The following BUD13 variants were observed in gnomAD, a reference collection of about 807,000 sequenced individuals.
BUD13 encodes the protein BUD13 spliceosome associated protein.
In BUD13, 47 loss-of-function variants were observed where a neutral mutation model predicts 62.5. The ratio of observed to expected loss-of-function variants is 0.75; its 90% CI spans 0.60 to 0.96. BUD13 has a LOEUF of 0.96. Among genes scored for constraint, BUD13 ranks in the 40% least tolerant of loss-of-function variants. BUD13 has a pLI of 0.00. For synonymous variants in BUD13, 293 were observed against 280.1 expected, an observed-to-expected ratio of 1.05 and a Z score of -0.46; for missense variants, 821 against 790.9, an observed-to-expected ratio of 1.04 and a Z score of -0.46.
intron 3 of BUD13, 38 bp from the exon 4 acceptor site, chr11:116,763,304 G>A: frequency 2.0e-6 from 3 of 1,505,366 alleles, no homozygotes; most frequent in Non-Finnish European, 2.7e-6. Context: ...TCCCACAAAT[G>A]CTCTGTCCCT....
At position 116,758,375 on chromosome 11, in the gene BUD13, C is replaced by G. The variant is rs1447598600; in HGVS notation, c.1393G>C (p.Asp465His). Residue 465 changes from aspartate to histidine, a missense_variant, in exon 7 of 10, where the codon GAT becomes CAT. This residue lies in a region of BUD13 where 800 missense variants were observed against 739.2 expected (regional missense o/e 1.08). Coordinates refer to ENST00000260210, the MANE Select transcript of BUD13 (RefSeq NM_032725.4). ...EFQYAETVFRDKSGRKRNLKL... is the reference protein window; with the variant it reads ...EFQYAETVFRHKSGRKRNLKL... ...AAATTCCTCTTACGACCAGACTTAT[C>G]TCGAAATACGGTTTCAGCATATTGA... The G allele has an allele frequency of 6.2e-7, 1 of 1,614,004 alleles. No individual in the cohort carries two copies. Among genetic ancestry groups the G allele is most frequent in the Non-Finnish European group, 8.5e-7 (1 of 1,180,032 alleles).
intron 1 of BUD13, among the ~76,000 whole-genome samples, chr11:116,772,585 G>C (rs1157820006): frequency 1.3e-5 from 2 of 152,312 alleles, no homozygotes; most frequent in East Asian, 3.9e-4. Context: ...AGTAATCAAA[G>C]TTACACCCCG....
chr11:116,771,920 T>C (rs1423745023), intron 1 of BUD13, among the ~76,000 whole-genome samples: 1 of 152,224 alleles, frequency 6.6e-6, no homozygotes, highest in Non-Finnish European at 1.5e-5. Context: ...AAGGCCATCC[T>C]CCCTGGAAAG....
intron 9 of BUD13, among the ~76,000 whole-genome samples, chr11:116,749,010 G>C (rs61905087): frequency 7.7e-5 from 11 of 143,288 alleles, no homozygotes; most frequent in Admixed American, 1.4e-4. Flanking sequence ...AAGAAAGAAA[G>C]AAACAAAAAA....
rs534533030 is a variant in BUD13, at chr11:116,755,411, G to C, written c.1766+1735C>G. Among the ~76,000 whole-genome samples, 3 of 152,238 alleles carry C rather than the reference G, an allele frequency of 2.0e-5. No individual in the cohort carries two copies. In the South Asian group the frequency reaches 6.2e-4, roughly 32 times the overall value. On this transcript the variant is annotated intron_variant, in intron 9 of 9. Transcript: ENST00000260210. ...AACCAATATTTTACAAATGACCAAT[G>C]CATGATGTTATAAAATCATGCATGG...
At chr11:116,761,624 T>C (rs1439855073) in intron 4 of BUD13, among the ~76,000 whole-genome samples, 1 of 152,188 alleles carries the variant, frequency 6.6e-6, no homozygotes, top group African/African-American at 2.4e-5. Context: ...AAATAACTTG[T>C]AGTCAGCTCT....
chr11:116,757,111 G>C (rs771203275), intron 9 of BUD13, 35 bp downstream of exon 9: 1 of 1,594,254 alleles, frequency 6.3e-7, no homozygotes, highest in African/African-American at 1.3e-5. Flanking sequence ...GAAGGTTACA[G>C]TCAGGTAGAA....
intron 5 of BUD13, 28 bp downstream of exon 5, chr11:116,760,704 AAAG>A (rs1275513014): frequency 9.3e-6 from 15 of 1,607,398 alleles, no homozygotes; most frequent in Non-Finnish European, 1.3e-5. Flanking sequence ...AGTCACACGA[AAAG>A]AAGGACATGG....
At position 116,772,742 on chromosome 11, in the gene BUD13, G is replaced by A. The variant is rs890723623; in HGVS notation, c.143+80C>T. The A allele has an allele frequency of 3.5e-6, 5 of 1,420,690 alleles. No individual in the cohort carries two copies. The South Asian group carries it at 4.3e-5, about 12-fold the overall frequency. The allele number at this position is 1,420,690 out of a possible 1,614,324, so 88.0% of individuals were successfully genotyped here. A position where few individuals can be genotyped will look rare whatever the true frequency, so the allele number is the denominator to read the frequency against. ...GCCGAGAGACCCGCCAAGAGGGAAG[G>A]AACTGCCGGGCGGCCGAGGGCGGAG... On this transcript the variant is annotated intron_variant, in intron 1 of 9. Transcript: ENST00000260210.
rs1940438499 is a variant in BUD13 at position 116,761,969 on chromosome 11, G to C, written c.1036+584C>G. ...TAGATAAGGAAATAATCCAAAATGG[G>C]GACAACAGTTTATGTACAAGGATGT... On this transcript the variant is annotated intron_variant, in intron 4 of 9. Transcript: ENST00000260210. 2.6e-5 allele frequency among the ~76,000 whole-genome samples: 4 copies of C among 151,990 alleles called. No individual in the cohort carries two copies. The South Asian group carries it at 8.3e-4, about 31-fold the overall frequency.
rs1309771954 is a variant in BUD13 at position 116,772,881 on chromosome 11, A to G, written c.84T>C (p.Ser28=). 3.8e-6 allele frequency: 6 copies of G among 1,591,782 alleles called. No homozygotes were observed. The highest frequency in any genetic ancestry group is 5.1e-6 in the Non-Finnish European group (6 of 1,170,284). The change falls in exon 1 of 10, where the codon TCT becomes TCC. Residue 28 remains serine, a synonymous_variant. Transcript: ENST00000260210. The part of the protein sequence containing the change: ...SGADAGVDRG[S]ESGRKRRKKR... ...TTTTGCGACGCTTGCGACCGGACTC[A>G]GATCCCCGGTCGACGCCGGCATCTG... is the stretch of plus-strand genomic sequence containing the variant.
At position 116,763,245 on chromosome 11, in the gene BUD13, G is replaced by A; in HGVS notation, c.344C>T (p.Ser115Leu). The A allele has an allele frequency of 6.5e-7, 1 of 1,543,144 alleles. No homozygotes were observed. Among genetic ancestry groups the A allele is most frequent in the Non-Finnish European group, 8.7e-7 (1 of 1,145,108 alleles). Residue 115 changes from serine to leucine, a missense_variant, in exon 4 of 10, where the codon TCA (serine) becomes TTA (leucine). This residue lies in a region of BUD13 where 800 missense variants were observed against 739.2 expected (regional missense o/e 1.08). Transcript: ENST00000260210. ...GGTATCGTGACGAAAATGTCTGTTTGAGGGTAGGTCTTCGTTGTGGCCTAA... is the reference window on the plus strand; with the variant it reads ...GGTATCGTGACGAAAATGTCTGTTTAAGGGTAGGTCTTCGTTGTGGCCTAA... ...LLGGHNEDLP[S>L]NRHFRHDTPD...
chr11:116,770,183 G>C lies in BUD13; in HGVS notation c.183C>G (p.Ile61Met). 3.1e-6 allele frequency: 5 copies of C among 1,613,772 alleles called. No homozygotes were observed. The highest frequency in any genetic ancestry group is 4.2e-6 in the Non-Finnish European group (5 of 1,179,842). ...CCTCCTTTTCTAGTTTGGTTGTGGA[G>C]ATAGCTGTCCAGCTCACATCATCAT... is the stretch of plus-strand genomic sequence containing the variant. ...IVDDDVSWTA[I>M]STTKLEKEEE... is the part of the protein sequence containing the mutation. Residue 61 changes from isoleucine to methionine, a missense_variant, in exon 2 of 10, where the codon ATC becomes ATG. Ile to Met is a conservative substitution (Grantham distance 10, BLOSUM62 1). Coordinates refer to ENST00000260210, the MANE Select transcript of BUD13 (RefSeq NM_032725.4).
chr11:116,765,770 C>G (rs560467326), intron 2 of BUD13, among the ~76,000 whole-genome samples: 1 of 152,322 alleles, frequency 6.6e-6, no homozygotes, highest in East Asian at 1.9e-4. Flanking sequence ...TCCTTTTACA[C>G]TTTTACTTCT....
At chr11:116,749,974 A>C (rs919749039) in intron 9 of BUD13, among the ~76,000 whole-genome samples, 1 of 152,230 alleles carries the variant, frequency 6.6e-6, no homozygotes, top group Admixed American at 6.5e-5. Flanking sequence ...CTTACAGTAG[A>C]AGCTGATGAG....
Position 116,772,837 on chromosome 11 carries a change from C to G in BUD13, c.128G>C (p.Gly43Ala). ...ACCAACTCACCCCTTGCCGCCGGCC[C>G]CGCCAGGCTTCGGCCGCTTTTTGCG... ...KRRKKRPKPGGAGGKGMRIVD... is the reference protein window; with the variant it reads ...KRRKKRPKPGAAGGKGMRIVD... Residue 43 changes from glycine to alanine, a missense_variant, in exon 1 of 10, where the codon GGG becomes GCG. This residue lies in a region of BUD13 where 800 missense variants were observed against 739.2 expected (regional missense o/e 1.08). Transcript: ENST00000260210. The G allele has an allele frequency of 6.3e-7, 1 of 1,581,460 alleles. No individual in the cohort carries two copies. Among genetic ancestry groups the G allele is most frequent in the Non-Finnish European group, 8.6e-7 (1 of 1,166,948 alleles).
Position 116,772,977 on chromosome 11 carries a change from GGCA to G in BUD13, c.-16_-14del, listed in dbSNP as rs1940661405. 1 of 1,529,738 alleles carries G rather than the reference GGCA, an allele frequency of 6.5e-7. No homozygotes were observed. Among genetic ancestry groups the G allele is most frequent in the East Asian group, 2.6e-5 (1 of 38,436 alleles). The allele number at this position is 1,529,738 out of a possible 1,614,324, so 94.8% of individuals were successfully genotyped here. On this transcript the variant is annotated 5_prime_UTR_variant, in exon 1 of 10. Coordinates refer to ENST00000260210, the MANE Select transcript of BUD13 (RefSeq NM_032725.4). Reference sequence around the variant, plus strand: ...GAGCTGCCGCCATGGCAGCGGCGGGGGCAGAGAGACGGGTCGGCGCTGGGGACA... The same window carrying G: ...GAGCTGCCGCCATGGCAGCGGCGGGGGAGAGACGGGTCGGCGCTGGGGACA...
chr11:116,756,111 A>G (rs908649875), intron 9 of BUD13, among the ~76,000 whole-genome samples: 2 of 152,114 alleles, frequency 1.3e-5, no homozygotes, highest in African/African-American at 4.8e-5. Context: ...AGGCCACTGA[A>G]GCATGAGAAT....
At chr11:116,771,982 C>A (rs1940638465) in intron 1 of BUD13, among the ~76,000 whole-genome samples, 2 of 152,352 alleles carry the variant, frequency 1.3e-5, no homozygotes, top group East Asian at 3.9e-4. Context: ...TAGCCCCAAG[C>A]ATACCTTGGC....
Sources: gnomAD v4.1 joint callset for allele counts (sites outside exome capture counted in the v4.1 genomes callset) on GRCh38, gnomAD v4.1.1 for gene constraint, gnomAD v4.1.1 regional missense constraint, MANE v1.5 for transcripts, NCBI Gene and HGNC (gene_info 2026-07-23, HGNC 2026-07-21) for gene names.